The following HMCN1 variants were observed in gnomAD, a reference collection of about 807,000 sequenced individuals.
The protein encoded by HMCN1 is hemicentin 1, also known as hemicentin-1.
HMCN1 carries 321 observed loss-of-function variants against 625.9 expected under a neutral mutation model. The ratio of observed to expected loss-of-function variants is 0.51; its 90% CI spans 0.47 to 0.56. The LOEUF is 0.56. Among genes scored for constraint, HMCN1 ranks in the 20% least tolerant of loss-of-function variants. HMCN1 has a pLI of 0.00. For missense variants in HMCN1, 6,588 were observed against 6,887.3 expected, an observed-to-expected ratio of 0.96 and a Z score of 1.54; for synonymous variants, 2,425 against 2,417.6, an observed-to-expected ratio of 1.00 and a Z score of -0.09.
intron 4 of HMCN1, among the ~76,000 whole-genome samples, chr1:185,899,698 C>T (rs1665694687): frequency 6.6e-6 from 1 of 152,044 alleles, no homozygotes; most frequent in African/African-American, 2.4e-5. Context: ...GTTCACAACA[C>T]TGTTTAGCAG....
intron 103 of HMCN1, among the ~76,000 whole-genome samples, chr1:186,175,876 C>CAAAAAAAAAAAAAAA (rs758445916): frequency 2.6e-5 from 2 of 76,188 alleles, no homozygotes; most frequent in Non-Finnish European, 5.2e-5. Context: ...AACTATGTCT[C>CAAAAAAAAAAAAAAA]AAAAAAAAAA....
chr1:185,912,643 A>C (rs1312529921), intron 6 of HMCN1, among the ~76,000 whole-genome samples: 1 of 152,130 alleles, frequency 6.6e-6, no homozygotes, highest in African/African-American at 2.4e-5. Flanking sequence ...TTTTCCTAGA[A>C]CAGGAAAAGG....
chr1:185,921,298 G>A (rs74134213), intron 6 of HMCN1, among the ~76,000 whole-genome samples: 2,037 of 152,070 alleles, frequency 0.013, 31 homozygotes, highest in African/African-American at 0.045. Context: ...TTGAGTTCTT[G>A]AGATTCTGCT....
intron 30 of HMCN1, among the ~76,000 whole-genome samples, chr1:186,013,461 A>T (rs1435845327): frequency 1.3e-5 from 2 of 152,196 alleles, no homozygotes; most frequent in Non-Finnish European, 2.9e-5. Flanking sequence ...TGTGTGAGAA[A>T]AATATGTGTA....
intron 4 of HMCN1, among the ~76,000 whole-genome samples, chr1:185,873,772 T>C (rs1160771583): frequency 6.6e-6 from 1 of 152,018 alleles, no homozygotes; most frequent in African/African-American, 2.4e-5. Context: ...ATTTATGTAA[T>C]TGAGAGGAAA....
In HMCN1 at chr1:186,136,707, T is replaced by C; in HGVS notation, c.13352T>C (p.Ile4451Thr). 2 of 1,614,024 alleles carry C rather than the reference T, an allele frequency of 1.2e-6. No individual in the cohort carries two copies. The highest frequency in any genetic ancestry group is 1.7e-6 in the Non-Finnish European group (2 of 1,179,898). Residue 4451 changes from isoleucine (I) to threonine (T), a missense_variant, in exon 87 of 107, where the codon ATT becomes ACT. By Grantham distance (89) the Ile-to-Thr change is moderately conservative (BLOSUM62 -1). Coordinates refer to ENST00000271588, the MANE Select transcript of HMCN1 (RefSeq NM_031935.3). Reference sequence around the variant, plus strand: ...ACTCTTGAGCCAGTGGAAACTGTTATTAATGCTGGTGGCAAAATCATATTG... The same window carrying C: ...ACTCTTGAGCCAGTGGAAACTGTTACTAATGCTGGTGGCAAAATCATATTG... ...IITLEPVETV[I>T]NAGGKIILNC... is the part of the protein sequence containing the mutation.
intron 1 of HMCN1, among the ~76,000 whole-genome samples, chr1:185,842,720 G>A (rs1661558680): frequency 6.6e-6 from 1 of 151,358 alleles, no homozygotes; most frequent in Non-Finnish European, 1.5e-5. Flanking sequence ...GACAGAGCAA[G>A]AGCCTGTCTT....
intron 83 of HMCN1, among the ~76,000 whole-genome samples, chr1:186,128,891 A>G (rs1435114569): frequency 6.6e-6 from 1 of 152,100 alleles, no homozygotes; most frequent in Non-Finnish European, 1.5e-5. Context: ...CCCAAAATTG[A>G]GTTCTGAAGT....
intron 29 of HMCN1, among the ~76,000 whole-genome samples, chr1:186,006,139 A>AG (rs2102089873): frequency 6.6e-6 from 1 of 151,574 alleles, no homozygotes; most frequent in South Asian, 2.1e-4. Flanking sequence ...TTCATTTCAA[A>AG]AAAAAAAAAA....
chr1:185,805,883 A>G (rs996560890), intron 1 of HMCN1, among the ~76,000 whole-genome samples: 2 of 152,154 alleles, frequency 1.3e-5, no homozygotes, highest in Non-Finnish European at 2.9e-5. Flanking sequence ...TCTAATCATT[A>G]CCATTTGGTG....
intron 35 of HMCN1, among the ~76,000 whole-genome samples, chr1:186,021,590 A>G (rs1654726217): frequency 6.6e-6 from 1 of 152,106 alleles, no homozygotes; most frequent in Non-Finnish European, 1.5e-5. Flanking sequence ...AATAGTCCAG[A>G]CATGAATATA....
At chr1:185,995,235 T>C (rs949872712) in intron 24 of HMCN1, 148 bp downstream of exon 24, 9 of 728,632 alleles carry the variant, frequency 1.2e-5, no homozygotes, top group Middle Eastern at 3.9e-4. Flanking sequence ...GAAAGAACCA[T>C]TCCCAAAAGA....
chr1:185,911,799 G>A lies in HMCN1; in HGVS notation c.900+19G>A. ...AGTGAAGGTACGGTTGTTTCACAAA[G>A]TTTGTTTATTGTTTTATTTTGAAGT... is the stretch of plus-strand genomic sequence containing the variant. On this transcript the variant is annotated intron_variant, in intron 6 of 106. Transcript: ENST00000271588. 4 of 1,560,766 alleles carry A rather than the reference G, an allele frequency of 2.6e-6. No homozygotes were observed. Among genetic ancestry groups the A allele is most frequent in the Non-Finnish European group, 3.5e-6 (4 of 1,131,924 alleles).
intron 1 of HMCN1, among the ~76,000 whole-genome samples, chr1:185,841,558 T>A (rs1336685701): frequency 6.6e-6 from 1 of 152,234 alleles, no homozygotes; most frequent in Non-Finnish European, 1.5e-5. Flanking sequence ...TCTTTCTTTT[T>A]ATTTTCCTCC....
At chr1:185,942,226 G>A (rs919545545) in intron 11 of HMCN1, among the ~76,000 whole-genome samples, 2 of 151,416 alleles carry the variant, frequency 1.3e-5, no homozygotes, top group Non-Finnish European at 2.9e-5. Flanking sequence ...AGAAAAAAAG[G>A]ATATGAATGA....
chr1:186,081,137 G>C (rs540296860), intron 55 of HMCN1, 70 bp from the exon 56 acceptor site: 1 of 1,310,456 alleles, frequency 7.6e-7, no homozygotes, highest in Non-Finnish European at 1.1e-6. Context: ...TTTTAAAGCT[G>C]TCAGAAAATT....
In HMCN1 at chr1:185,933,544, C is replaced by T. The variant is rs1282705261; in HGVS notation, c.1553-5C>T. On this transcript the variant is annotated splice_region_variant and splice_polypyrimidine_tract_variant and intron_variant, in intron 10 of 106. Transcript: ENST00000271588. ...TCTTGATTTGAATTTTTTGATTTCA[C>T]ACAGAGCCCCCTCCGGTCATCCAAG... 1.9e-6 allele frequency: 3 copies of T among 1,613,700 alleles called. No homozygotes were observed. The highest frequency in any genetic ancestry group is 1.3e-5 in the African/African-American group (1 of 74,898).
intron 41 of HMCN1, 117 bp downstream of exon 41, chr1:186,045,980 T>G (rs1656541506): frequency 5.3e-6 from 4 of 757,172 alleles, no homozygotes; most frequent in Non-Finnish European, 6.5e-6. Flanking sequence ...TCTTACAAAA[T>G]TCTAGGAACC....
At chr1:186,096,186 T>C (rs1168587684) in intron 68 of HMCN1, among the ~76,000 whole-genome samples, 1 of 152,158 alleles carries the variant, frequency 6.6e-6, no homozygotes, top group Non-Finnish European at 1.5e-5. Flanking sequence ...ATACACCCTA[T>C]AGAGAAGAGC....
Sources: gnomAD v4.1 joint callset for allele counts (sites outside exome capture counted in the v4.1 genomes callset) on GRCh38, gnomAD v4.1.1 for gene constraint, MANE v1.5 for transcripts, NCBI Gene and HGNC (gene_info 2026-07-23, HGNC 2026-07-21) for gene names.